RPS6KC1: variants seen among roughly 807,000 people sequenced by gnomAD.
RPS6KC1 encodes ribosomal protein S6 kinase C1.
RPS6KC1 carries 54 observed loss-of-function variants against 103.8 expected under a neutral mutation model. That is an observed-to-expected ratio of 0.52 (90% confidence interval 0.42 to 0.65). The LOEUF is 0.65. Ranked by LOEUF, RPS6KC1 falls within the 30% of genes least tolerant of loss-of-function variation. RPS6KC1 has a pLI of 0.00. For missense variants in RPS6KC1, 1,151 were observed against 1,253.8 expected, an observed-to-expected ratio of 0.92 and a Z score of 1.24; for synonymous variants, 439 against 438.7, an observed-to-expected ratio of 1.00 and a Z score of -0.01.
At chr1:213,403,600 G>T in the RPS6KC1 span, among the ~76,000 whole-genome samples, 1 of 152,134 alleles carries the variant, frequency 6.6e-6, no homozygotes, top group Non-Finnish European at 1.5e-5. Context: ...TGAAATAGGT[G>T]CAGCTCCCCA....
chr1:213,700,908 C>A, the RPS6KC1 span, among the ~76,000 whole-genome samples: 2 of 151,816 alleles, frequency 1.3e-5, no homozygotes, highest in African/African-American at 4.8e-5. Flanking sequence ...TGATTTTGTA[C>A]ACTTCAATGT....
At chr1:213,622,949 A>T in the RPS6KC1 span, among the ~76,000 whole-genome samples, 1 of 152,150 alleles carries the variant, frequency 6.6e-6, no homozygotes, top group Non-Finnish European at 1.5e-5. Flanking sequence ...CAGTCGCGCG[A>T]GGCCAGACAG....
the RPS6KC1 span, among the ~76,000 whole-genome samples, chr1:213,601,163 T>G: frequency 6.6e-6 from 1 of 152,154 alleles, no homozygotes; most frequent in Non-Finnish European, 1.5e-5. Flanking sequence ...AAGATCTGAT[T>G]CAATCAAAAT....
At chr1:213,603,029 C>A in the RPS6KC1 span, among the ~76,000 whole-genome samples, 1 of 152,184 alleles carries the variant, frequency 6.6e-6, no homozygotes, top group Non-Finnish European at 1.5e-5. Context: ...GTTAGTGGAA[C>A]CTCCAACTAT....
chr1:213,397,593 A>ACACACACACG, the RPS6KC1 span, among the ~76,000 whole-genome samples: 1 of 34,898 alleles, frequency 2.9e-5, no homozygotes, highest in Non-Finnish European at 8.2e-5. Context: ...ACACATACAC[A>ACACACACACG]CACACACACA....
At chr1:213,741,385 A>G in the RPS6KC1 span, among the ~76,000 whole-genome samples, 1 of 152,294 alleles carries the variant, frequency 6.6e-6, no homozygotes, top group South Asian at 2.1e-4. Context: ...ATCACTTACT[A>G]TAGAAGCTAT....
the RPS6KC1 span, among the ~76,000 whole-genome samples, chr1:213,438,792 C>CT: frequency 0.14 from 18,495 of 129,664 alleles, 1,927 homozygotes; most frequent in East Asian, 0.24. Context: ...ATCTTGGTTT[C>CT]TTTTTTTTTT....
downstream of RPS6KC1, among the ~76,000 whole-genome samples, chr1:213,275,589 T>C (rs575704476): frequency 1.2e-4 from 19 of 152,198 alleles, no homozygotes; most frequent in South Asian, 6.2e-4. Context: ...ATTTTTTTTT[T>C]ATTTGACAAA....
intron 5 of RPS6KC1, among the ~76,000 whole-genome samples, chr1:213,118,332 CA>C (rs1206476195): frequency 2.6e-5 from 4 of 151,088 alleles, no homozygotes; most frequent in African/African-American, 9.7e-5. Flanking sequence ...GATTTGGGGG[CA>C]GGGGTAGGAG....
chr1:213,675,228 G>A, the RPS6KC1 span, among the ~76,000 whole-genome samples: 98,191 of 151,922 alleles, frequency 0.65, 32,239 homozygotes, highest in South Asian at 0.82. Context: ...CTTTCCAAAG[G>A]CCAATGCAAA....
intron 8 of RPS6KC1, chr1:213,205,465 G>A (rs528882957): frequency 6.1e-5 from 45 of 736,894 alleles, no homozygotes; most frequent in East Asian, 1.3e-4. Flanking sequence ...CTTTAAGAAC[G>A]ACCAAGAACC....
chr1:213,376,100 G>GTA, the RPS6KC1 span, among the ~76,000 whole-genome samples: 1 of 146,094 alleles, frequency 6.8e-6, no homozygotes, highest in South Asian at 2.2e-4. Context: ...GTGTGTGTGT[G>GTA]TGTGTGTGTG....
chr1:213,789,648 T>A, the RPS6KC1 span, among the ~76,000 whole-genome samples: 4 of 152,184 alleles, frequency 2.6e-5, no homozygotes, highest in African/African-American at 7.2e-5. Flanking sequence ...CAAAATTGCA[T>A]CCCTTAAAAC....
the RPS6KC1 span, among the ~76,000 whole-genome samples, chr1:213,741,443 T>C: frequency 2.0e-5 from 3 of 152,158 alleles, no homozygotes; most frequent in African/African-American, 7.2e-5. Flanking sequence ...TCCAGAATTT[T>C]TGTTTTCTTA....
intron 12 of RPS6KC1, among the ~76,000 whole-genome samples, chr1:213,254,110 T>C (rs1263767832): frequency 6.6e-6 from 1 of 152,220 alleles, no homozygotes; most frequent in African/African-American, 2.4e-5. Context: ...AAGCACATTT[T>C]ATGTTTTGAT....
intron 3 of RPS6KC1, among the ~76,000 whole-genome samples, chr1:213,090,268 AAAGT>A (rs1384878645): frequency 2.0e-4 from 30 of 152,266 alleles, no homozygotes; most frequent in African/African-American, 6.0e-4. Context: ...TTGTGTTCTA[AAAGT>A]AAGAACCCTG....
At chr1:213,619,564 AG>A in the RPS6KC1 span, among the ~76,000 whole-genome samples, 5 of 152,242 alleles carry the variant, frequency 3.3e-5, no homozygotes, top group Admixed American at 6.5e-5. Context: ...AGTCTGCAAC[AG>A]CATCTCACTA....
the RPS6KC1 span, among the ~76,000 whole-genome samples, chr1:213,858,316 C>G: frequency 1.7e-3 from 266 of 152,272 alleles, no homozygotes; most frequent in African/African-American, 6.1e-3. Context: ...CAGGTGAGCA[C>G]TCCAGTGACT....
chr1:213,562,751 ACTC>A, the RPS6KC1 span, among the ~76,000 whole-genome samples: 1 of 151,648 alleles, frequency 6.6e-6, no homozygotes, highest in Non-Finnish European at 1.5e-5. Flanking sequence ...GTAATCCTGA[ACTC>A]CTGGGCACAG....
Sources: allele counts gnomAD v4.1 joint callset (sites outside exome capture counted in the v4.1 genomes callset), GRCh38; gene constraint gnomAD v4.1.1; transcripts MANE v1.5; gene names NCBI Gene and HGNC (gene_info 2026-07-23, HGNC 2026-07-21).